PARPBP: variants seen among roughly 807,000 people sequenced by gnomAD.
PARPBP encodes the protein PARP1 binding protein.
PARPBP carries 52 observed loss-of-function variants against 50.0 expected under a neutral mutation model. The ratio of observed to expected loss-of-function variants is 1.04; its 90% CI spans 0.83 to 1.31. The LOEUF is 1.31. PARPBP is among the 50% of genes most tolerant of loss of function. PARPBP has a pLI of 0.00. For missense variants in PARPBP, 697 were observed against 672.0 expected (o/e 1.04, Z -0.41); for synonymous variants, 244 against 232.1 (o/e 1.05, Z -0.47).
intron 2 of PARPBP, among the ~76,000 whole-genome samples, chr12:102,136,580 T>C (rs1883665035): frequency 6.6e-6 from 1 of 152,224 alleles, no homozygotes; most frequent in Non-Finnish European, 1.5e-5. Flanking sequence ...TTCTACTTGC[T>C]AATTTTCTAC....
chr12:102,186,322 C>A (rs1378196268), intron 9 of PARPBP, among the ~76,000 whole-genome samples: 1 of 151,852 alleles, frequency 6.6e-6, no homozygotes, highest in Non-Finnish European at 1.5e-5. Context: ...TTTATTTCTG[C>A]TCTAATCTTT....
chr12:102,124,109 A>T, intron 2 of PARPBP, 68 bp downstream of exon 2: 1 of 1,042,498 alleles, frequency 9.6e-7, no homozygotes, highest in Non-Finnish European at 1.4e-6. Flanking sequence ...CATTTGAATA[A>T]ACTTAAGCTT....
rs865796698 is a variant in PARPBP, at chr12:102,155,600, G to A, written c.495+1624G>A. Among the ~76,000 whole-genome samples, 8 of 125,222 alleles carry A rather than the reference G, an allele frequency of 6.4e-5. 1 individual carries two copies. The highest frequency in any genetic ancestry group is 1.4e-4 in the African/African-American group (5 of 35,124). The allele number at this position is 125,222 out of a possible 152,430, so 82.2% of individuals were successfully genotyped here. A position where few individuals can be genotyped will look rare whatever the true frequency, so the allele number is the denominator to read the frequency against. On this transcript the variant is annotated intron_variant, in intron 4 of 10. Transcript: ENST00000327680. ...CTATCGCCTGAGAGCATGGTGGGGG[G>A]GGGGGGCGGGGACAATGATTGGAAT...
At chr12:102,185,146 G>A (rs568761572) in intron 9 of PARPBP, among the ~76,000 whole-genome samples, 20 of 152,192 alleles carry the variant, frequency 1.3e-4, no homozygotes, top group African/African-American at 4.8e-4. Context: ...AATAGTTCAC[G>A]AACACACTCA....
chr12:102,188,154 A>G (rs1458455132), intron 9 of PARPBP, among the ~76,000 whole-genome samples: 3 of 152,132 alleles, frequency 2.0e-5, no homozygotes, highest in Non-Finnish European at 4.4e-5. Context: ...CCTAGGACAC[A>G]TACTCTGAAT....
Position 102,196,056 on chromosome 12 carries a change from A to T in PARPBP, c.1505A>T (p.Gln502Leu). ...NEKVSRKSTS[Q>L]TGNKSSKRKQ... ...AAAGTATCAAGAAAATCAACCAGTC[A>T]GACAGGAAATAAAAGCTCAAAAAGG... is the stretch of plus-strand genomic sequence containing the variant. The change falls in exon 11 of 11, where the codon CAG becomes CTG. Residue 502 changes from glutamine to leucine, a missense_variant. Physicochemically the swap from Gln to Leu is moderately radical, Grantham distance 113. Transcript: ENST00000327680. 1 of 1,611,930 alleles carries T rather than the reference A, an allele frequency of 6.2e-7. No individual in the cohort carries two copies. The highest frequency in any genetic ancestry group is 8.5e-7 in the Non-Finnish European group (1 of 1,178,598).
chr12:102,190,860 G>A (rs970123265), intron 9 of PARPBP, among the ~76,000 whole-genome samples: 2 of 152,100 alleles, frequency 1.3e-5, no homozygotes, highest in African/African-American at 4.8e-5. Context: ...TGAAATGGGT[G>A]GGGCCTAAGG....
chr12:102,173,202 CACAT>C (rs1195547022), intron 6 of PARPBP, among the ~76,000 whole-genome samples: 3 of 152,184 alleles, frequency 2.0e-5, no homozygotes, highest in Non-Finnish European at 2.9e-5. Flanking sequence ...AAATAGGAAA[CACAT>C]ACCCATTCTA....
At chr12:102,122,557 A>G (rs1881316956) in intron 1 of PARPBP, among the ~76,000 whole-genome samples, 1 of 152,244 alleles carries the variant, frequency 6.6e-6, no homozygotes, top group Non-Finnish European at 1.5e-5. Flanking sequence ...GAGTACTTAA[A>G]GTAGGAAAAA....
Position 102,196,967 on chromosome 12 carries a change from A to G in PARPBP, c.*676A>G, listed in dbSNP as rs1315166675. On this transcript the variant is annotated 3_prime_UTR_variant, in exon 11 of 11. Transcript: ENST00000327680. ...GTAAGAATTGAATTTTGAAAAGACT[A>G]CTCACTGTCAAAATCTCTCCTTCCT... 1.2e-6 allele frequency: 2 copies of G among 1,601,024 alleles called. No homozygotes were observed. Among genetic ancestry groups the G allele is most frequent in the African/African-American group, 2.7e-5 (2 of 74,580 alleles).
At chr12:102,192,789 C>A (rs1290733041) in intron 9 of PARPBP, among the ~76,000 whole-genome samples, 3 of 151,724 alleles carry the variant, frequency 2.0e-5, no homozygotes, top group Non-Finnish European at 4.4e-5. Flanking sequence ...AGAAGCCATC[C>A]TAGTAATCTC....
chr12:102,173,096 AAT>A (rs1391700032), intron 6 of PARPBP, among the ~76,000 whole-genome samples: 8 of 152,212 alleles, frequency 5.3e-5, no homozygotes, highest in Non-Finnish European at 8.8e-5. Flanking sequence ...ATGTAATGAA[AAT>A]ATAGGTCAAA....
intron 2 of PARPBP, among the ~76,000 whole-genome samples, chr12:102,142,211 G>C (rs1003689652): frequency 5.9e-5 from 9 of 151,914 alleles, no homozygotes; most frequent in African/African-American, 2.2e-4. Context: ...CTCTAAACTT[G>C]TCTTCTCGCT....
At position 102,196,607 on chromosome 12, in the gene PARPBP, A is replaced by G. The variant is rs750170320; in HGVS notation, c.*316A>G. On this transcript the variant is annotated 3_prime_UTR_variant, in exon 11 of 11. Coordinates refer to ENST00000327680, the MANE Select transcript of PARPBP (RefSeq NM_017915.5). ...GGGCTTCTCCTCCCATTGGCAATTA[A>G]ATGCTTTTATTTTCTTCTGAAAAGA... The G allele has an allele frequency of 2.1e-6, 3 of 1,436,184 alleles. No homozygotes were observed. Among genetic ancestry groups the G allele is most frequent in the Non-Finnish European group, 2.9e-6 (3 of 1,019,008 alleles). 89.0% of individuals were successfully genotyped at this position (1,436,184 alleles called of 1,614,324 possible).
chr12:102,124,754 A>G (rs142837731), intron 2 of PARPBP, among the ~76,000 whole-genome samples: 2 of 152,290 alleles, frequency 1.3e-5, no homozygotes, highest in African/African-American at 4.8e-5. Flanking sequence ...ATTAGCTTCA[A>G]TGGGTCTGTT....
At chr12:102,139,147 G>A (rs1205940315) in intron 2 of PARPBP, among the ~76,000 whole-genome samples, 21 of 152,070 alleles carry the variant, frequency 1.4e-4, no homozygotes, top group Non-Finnish European at 2.9e-4. Flanking sequence ...ATTTGTCTGT[G>A]TCCTCTTTTA....
chr12:102,167,752 C>T (rs1282920384), intron 6 of PARPBP, among the ~76,000 whole-genome samples: 2 of 152,106 alleles, frequency 1.3e-5, no homozygotes, highest in Non-Finnish European at 2.9e-5. Flanking sequence ...TTACTCAATT[C>T]CTTTGTTTTT....
At chr12:102,160,813 C>T (rs764094468) in intron 4 of PARPBP, among the ~76,000 whole-genome samples, 29 of 151,628 alleles carry the variant, frequency 1.9e-4, no homozygotes, top group Non-Finnish European at 3.7e-4. Context: ...CCAGGCGTGG[C>T]GGCACATGCC....
chr12:102,165,605 G>A lies in PARPBP; in HGVS notation c.667-124G>A, dbSNP rs565581563. On this transcript the variant is annotated intron_variant, in intron 5 of 10. Transcript: ENST00000327680. ...ACTTCTGACTCAAAGTGTGTCATGA[G>A]CCATAAAATGTGCTTCACTTTTAAC... 3.0e-4 allele frequency: 212 copies of A among 707,436 alleles called. 1 individual carries two copies. The highest frequency in any genetic ancestry group is 2.2e-3 in the African/African-American group (117 of 53,506). The allele number at this position is 707,436 out of a possible 1,614,324, so 43.8% of individuals were successfully genotyped here.
Sources: gnomAD v4.1 joint callset for allele counts (sites outside exome capture counted in the v4.1 genomes callset) on GRCh38, gnomAD v4.1.1 for gene constraint, MANE v1.5 for transcripts, NCBI Gene and HGNC (gene_info 2026-07-23, HGNC 2026-07-21) for gene names.